TMTC3: variants seen among roughly 807,000 people sequenced by gnomAD.
TMTC3 encodes transmembrane O-mannosyltransferase targeting cadherins 3, also known as protein O-mannosyl-transferase TMTC3.
Under a neutral mutation model 92.2 loss-of-function variants are expected in TMTC3, and 52 were observed. The ratio of observed to expected loss-of-function variants is 0.56; its 90% CI spans 0.45 to 0.71. TMTC3 has a LOEUF of 0.71. Among genes scored for constraint, TMTC3 ranks in the 30% least tolerant of loss-of-function variants. The pLI is 0.00. For synonymous variants in TMTC3, 339 were observed against 363.3 expected (o/e 0.93, Z 0.76); for missense variants, 896 against 1,057.1 (o/e 0.85, Z 2.11).
In TMTC3 at chr12:88,196,691, T is replaced by A. The variant is rs1386233017; in HGVS notation, c.*1042T>A. ...TCTTGATATTTTGTTATGGTATATC[T>A]TTTTATTAAATATTTATTTTGACTA... On this transcript the variant is annotated 3_prime_UTR_variant, in exon 14 of 14. Coordinates refer to ENST00000266712, the MANE Select transcript of TMTC3 (RefSeq NM_181783.4). 6.6e-6 allele frequency: 1 copy of A among 151,958 alleles called. No homozygotes were observed. Among genetic ancestry groups the A allele is most frequent in the Admixed American group, 6.6e-5 (1 of 15,258 alleles). The allele number at this position is 151,958 out of a possible 1,614,324, so 9.4% of individuals were successfully genotyped here.
chr12:88,160,740 C>T lies in TMTC3; in HGVS notation c.686C>T (p.Pro229Leu), dbSNP rs778731724. ...GQFLRGKGSIPFSMLQTLVKL... is the reference protein window; with the variant it reads ...GQFLRGKGSILFSMLQTLVKL... ...TTTCTCCGTGGAAAGGGTAGCATTC[C>T]ATTTTCTATGCTGCAGACACTAGTA... Residue 229 changes from proline (P) to leucine (L), a missense_variant, in exon 6 of 14, where the codon CCA becomes CTA. By Grantham distance (98) the Pro-to-Leu change is moderately conservative. Coordinates refer to ENST00000266712, the MANE Select transcript of TMTC3 (RefSeq NM_181783.4). The T allele has an allele frequency of 6.2e-7, 1 of 1,613,580 alleles. No homozygotes were observed. The highest frequency in any genetic ancestry group is 1.1e-5 in the South Asian group (1 of 91,060).
intron 1 of TMTC3, among the ~76,000 whole-genome samples, chr12:88,143,231 A>C (rs908071987): frequency 1.3e-5 from 2 of 152,134 alleles, no homozygotes; most frequent in African/African-American, 4.8e-5. Flanking sequence ...TTCGAAAATA[A>C]GTAATGAGTT....
Position 88,153,523 on chromosome 12 carries a change from T to C in TMTC3, c.408+14T>C, listed in dbSNP as rs761427897. On this transcript the variant is annotated intron_variant, in intron 3 of 13. Coordinates refer to ENST00000266712, the MANE Select transcript of TMTC3 (RefSeq NM_181783.4). ...CACACAGAAGCAGTAAGTAAAACTA[T>C]GAACTGACTTTTTTTCTTTTTCCTT... 9 of 1,495,486 alleles carry C rather than the reference T, an allele frequency of 6.0e-6. No individual in the cohort carries two copies. Among genetic ancestry groups the C allele is most frequent in the African/African-American group, 4.2e-5 (3 of 71,542 alleles). 92.6% of individuals were successfully genotyped at this position (1,495,486 alleles called of 1,614,324 possible).
At chr12:88,155,180 A>G (rs1427478081) in intron 4 of TMTC3, among the ~76,000 whole-genome samples, 2 of 152,226 alleles carry the variant, frequency 1.3e-5, no homozygotes, top group East Asian at 3.8e-4. Context: ...CATAGTACTT[A>G]AAAGCATGGA....
intron 4 of TMTC3, among the ~76,000 whole-genome samples, chr12:88,158,897 A>G (rs1314404783): frequency 6.6e-6 from 1 of 151,944 alleles, no homozygotes; most frequent in Non-Finnish European, 1.5e-5. Context: ...ACTAAAAAAT[A>G]CAAAATTAGC....
chr12:88,190,788 T>C (rs1032097547), intron 12 of TMTC3, among the ~76,000 whole-genome samples, 166 bp downstream of exon 12: 3 of 152,174 alleles, frequency 2.0e-5, no homozygotes, highest in Non-Finnish European at 2.9e-5. Flanking sequence ...CAGTCAGATT[T>C]TATTGATTTG....
chr12:88,184,852 A>G (rs1171762723), intron 10 of TMTC3, among the ~76,000 whole-genome samples: 1 of 152,184 alleles, frequency 6.6e-6, no homozygotes, highest in African/African-American at 2.4e-5. Flanking sequence ...TTTATATGAA[A>G]GTGATAAAAG....
At chr12:88,170,002 G>C (rs2468238) in intron 7 of TMTC3, among the ~76,000 whole-genome samples, 1 of 151,610 alleles carries the variant, frequency 6.6e-6, no homozygotes, top group African/African-American at 2.4e-5. Context: ...GTGGTTTGCC[G>C]TATGTAGGAA....
At chr12:88,144,891 T>G (rs2040853935) in intron 1 of TMTC3, among the ~76,000 whole-genome samples, 1 of 152,198 alleles carries the variant, frequency 6.6e-6, no homozygotes, top group African/African-American at 2.4e-5. Context: ...TTATTTTTCG[T>G]CAGATTTTCT....
chr12:88,160,968 A>C lies in TMTC3; in HGVS notation c.797+117A>C, dbSNP rs2471545. ...TTTTTAACAGTTTTATTAAGCTATAATTAACATTTTTTAAACTGCATATAT... is the reference window on the plus strand; with the variant it reads ...TTTTTAACAGTTTTATTAAGCTATACTTAACATTTTTTAAACTGCATATAT... On this transcript the variant is annotated intron_variant, in intron 6 of 13. Coordinates refer to ENST00000266712, the MANE Select transcript of TMTC3 (RefSeq NM_181783.4). The C allele has an allele frequency of 0.91, 940,242 of 1,037,688 alleles. 437,245 individuals are homozygous for C. Among genetic ancestry groups the C allele is most frequent in the East Asian group, 0.95 (36,683 of 38,416 alleles). 64.3% of individuals were successfully genotyped at this position (1,037,688 alleles called of 1,614,324 possible).
chr12:88,178,870 G>A (rs1185078446), intron 10 of TMTC3, among the ~76,000 whole-genome samples: 1 of 152,160 alleles, frequency 6.6e-6, no homozygotes, highest in Non-Finnish European at 1.5e-5. Flanking sequence ...TCACAGTATT[G>A]TTGTAAATAC....
In TMTC3 at chr12:88,199,208, A is replaced by G. The variant is rs2041553182; in HGVS notation, c.*3559A>G. The stretch of plus-strand genomic sequence containing the variant: ...AACCACCAAATTAAGAAAAGGAAAC[A>G]ACTCAGACTTGGAATTTTATACGAA... On this transcript the variant is annotated 3_prime_UTR_variant, in exon 14 of 14. Coordinates refer to ENST00000266712, the MANE Select transcript of TMTC3 (RefSeq NM_181783.4). 1 of 152,086 alleles carries G rather than the reference A, an allele frequency of 6.6e-6. No individual in the cohort carries two copies. The highest frequency in any genetic ancestry group is 2.4e-5 in the African/African-American group (1 of 41,436). The allele number at this position is 152,086 out of a possible 1,614,324, so 9.4% of individuals were successfully genotyped here.
chr12:88,160,931 AT>A, intron 6 of TMTC3, 80 bp downstream of exon 6: 1 of 1,384,726 alleles, frequency 7.2e-7, no homozygotes, highest in Non-Finnish European at 9.8e-7. Flanking sequence ...TGAAGAAAGT[AT>A]TTTATTTTGT....
At chr12:88,168,577 T>A (rs1163017335) in intron 7 of TMTC3, among the ~76,000 whole-genome samples, 1 of 152,198 alleles carries the variant, frequency 6.6e-6, no homozygotes. Flanking sequence ...ACTCAGCTAC[T>A]CAGCTGACTT....
chr12:88,176,897 C>T (rs1338875977), intron 10 of TMTC3, among the ~76,000 whole-genome samples: 2 of 152,030 alleles, frequency 1.3e-5, no homozygotes, highest in Non-Finnish European at 1.5e-5. Flanking sequence ...TAGTAGTGAG[C>T]TTAAGAGAAT....
In TMTC3 at chr12:88,191,494, A is replaced by T. The variant is rs144819558; in HGVS notation, c.1706+872A>T. Among the ~76,000 whole-genome samples, 79 of 152,304 alleles carry T rather than the reference A, an allele frequency of 5.2e-4. 1 individual carries two copies. In the East Asian group the frequency reaches 0.014, roughly 26 times the overall value. The stretch of plus-strand genomic sequence containing the variant: ...GAGTAGTATTATAAGAACAACTCTC[A>T]TATCACTACTTAAATATTATTTGTA... On this transcript the variant is annotated intron_variant, in intron 12 of 13. Coordinates refer to ENST00000266712, the MANE Select transcript of TMTC3 (RefSeq NM_181783.4).
At chr12:88,193,392 A>G (rs1254926355) in intron 13 of TMTC3, among the ~76,000 whole-genome samples, 7 of 152,100 alleles carry the variant, frequency 4.6e-5, no homozygotes, top group Admixed American at 4.6e-4. Context: ...CATATTTTAT[A>G]TAGGAATTTC....
chr12:88,166,256 A>G, intron 6 of TMTC3, 74 bp from the exon 7 acceptor site: 1 of 1,359,246 alleles, frequency 7.4e-7, no homozygotes, highest in Middle Eastern at 1.9e-4. Flanking sequence ...TTTATTGTTT[A>G]GTGTTTTACT....
At chr12:88,146,611 G>GTATATA (rs1555231456) in intron 1 of TMTC3, among the ~76,000 whole-genome samples, 2,226 of 147,820 alleles carry the variant, frequency 0.015, 26 homozygotes, top group Admixed American at 0.021. Flanking sequence ...GTGTGTGTGT[G>GTATATA]TATATATATA....
Sources: gnomAD v4.1 joint callset for allele counts (sites outside exome capture counted in the v4.1 genomes callset) on GRCh38, gnomAD v4.1.1 for gene constraint, MANE v1.5 for transcripts, NCBI Gene and HGNC (gene_info 2026-07-23, HGNC 2026-07-21) for gene names.